Variants in LRP1B observed in about 807,000 individuals in gnomAD.
LRP1B encodes LDL receptor related protein 1B.
A neutral mutation model predicts 556.6 loss-of-function variants in LRP1B; 217 were observed. That is an observed-to-expected ratio of 0.39 (90% CI 0.35 to 0.44). The LOEUF (loss-of-function observed/expected upper bound fraction) is 0.44, where lower values mean the gene tolerates loss of function less well. Among genes scored for constraint, LRP1B ranks in the 20% least tolerant of loss-of-function variants. The probability of loss-of-function intolerance (pLI) is 1.00; values close to 1 mark genes in which losing one functional copy is unlikely to be tolerated. For synonymous variants in LRP1B, 2,047 were observed against 1,865.8 expected, an observed-to-expected ratio of 1.10 and a Z score of -2.50; for missense variants, 5,053 against 5,620.8, an observed-to-expected ratio of 0.90 and a Z score of 3.23.
chr2:142,015,238 C>A (rs1479853645), intron 1 of LRP1B, among the ~76,000 whole-genome samples: 1 of 152,024 alleles, frequency 6.6e-6, no homozygotes, highest in African/African-American at 2.4e-5. Flanking sequence ...AAGCAGCTGA[C>A]CTTTGACAAA....
chr2:140,595,087 A>AATATATCTATAT lies in LRP1B; in HGVS notation c.7194+3543_7194+3544insATATAGATATAT, dbSNP rs1204829412. On this transcript the variant is annotated intron_variant, in intron 43 of 90. Transcript: ENST00000389484. ...CTACTTAAAAATAAAATATAAATTG[A>AATATATCTATAT]ATATATATATATATATATATATATA... Among the ~76,000 whole-genome samples, 102 of 99,670 alleles carry AATATATCTATAT rather than the reference A, an allele frequency of 1.0e-3. 3 individuals are homozygous for AATATATCTATAT. The highest frequency in any genetic ancestry group is 5.5e-3 in the Middle Eastern group (1 of 182). 65.4% of individuals were successfully genotyped at this position (99,670 alleles called of 152,430 possible). A position where few individuals can be genotyped will look rare whatever the true frequency, so the allele number is the denominator to read the frequency against.
intron 32 of LRP1B, among the ~76,000 whole-genome samples, chr2:140,785,402 A>G (rs7571766): frequency 0.43 from 64,591 of 151,926 alleles, 13,947 homozygotes; most frequent in African/African-American, 0.48. Flanking sequence ...GCAGGACAGC[A>G]GCAAATCTAG....
intron 2 of LRP1B, among the ~76,000 whole-genome samples, chr2:141,701,703 C>T (rs1257989574): frequency 1.3e-5 from 2 of 151,866 alleles, no homozygotes; most frequent in Non-Finnish European, 2.9e-5. Flanking sequence ...AACGAATCTA[C>T]AGGCTTTTGA....
chr2:140,367,966 T>C (rs947543051), intron 71 of LRP1B, among the ~76,000 whole-genome samples: 1 of 151,796 alleles, frequency 6.6e-6, no homozygotes, highest in African/African-American at 2.4e-5. Context: ...ATGCCACTGA[T>C]TTATTTAAAA....
At chr2:140,645,533 CTTT>C (rs36082249) in intron 41 of LRP1B, among the ~76,000 whole-genome samples, 12 of 81,218 alleles carry the variant, frequency 1.5e-4, no homozygotes, top group Admixed American at 3.5e-4. Context: ...TGCCAATATT[CTTT>C]TTTTTTTTTT....
At chr2:141,122,958 A>T (rs1168657537) in intron 7 of LRP1B, among the ~76,000 whole-genome samples, 2 of 152,134 alleles carry the variant, frequency 1.3e-5, no homozygotes, top group Admixed American at 1.3e-4. Flanking sequence ...AGGGACATGG[A>T]TGAAGCTGGA....
At chr2:141,620,587 A>G (rs2105334979) in intron 2 of LRP1B, among the ~76,000 whole-genome samples, 1 of 152,308 alleles carries the variant, frequency 6.6e-6, no homozygotes, top group Admixed American at 6.5e-5. Flanking sequence ...TAGTGAGTCA[A>G]AATAATTTTC....
intron 1 of LRP1B, among the ~76,000 whole-genome samples, chr2:142,007,435 A>T (rs1027026745): frequency 6.6e-6 from 1 of 152,218 alleles, no homozygotes; most frequent in African/African-American, 2.4e-5. Flanking sequence ...GTATAGGTAT[A>T]CTGACATAGA....
At chr2:141,493,765 T>C (rs993588103) in intron 2 of LRP1B, among the ~76,000 whole-genome samples, 1 of 152,172 alleles carries the variant, frequency 6.6e-6, no homozygotes, top group Non-Finnish European at 1.5e-5. Context: ...CCGTTATGGC[T>C]GTATCATGAA....
At chr2:141,476,061 C>T (rs546886841) in intron 3 of LRP1B, among the ~76,000 whole-genome samples, 74 of 152,190 alleles carry the variant, frequency 4.9e-4, no homozygotes, top group African/African-American at 1.7e-3. Context: ...TTGCAGGCAC[C>T]GAACCGTAAA....
chr2:140,875,421 T>C (rs1693274777), intron 25 of LRP1B, among the ~76,000 whole-genome samples: 1 of 152,182 alleles, frequency 6.6e-6, no homozygotes, highest in African/African-American at 2.4e-5. Flanking sequence ...TATAGATTGC[T>C]TATAAGATTT....
At chr2:140,348,949 A>T (rs1681825936) in intron 77 of LRP1B, among the ~76,000 whole-genome samples, 1 of 151,998 alleles carries the variant, frequency 6.6e-6, no homozygotes, top group African/African-American at 2.4e-5. Context: ...TGTGTGGGGG[A>T]TTAGATTCTC....
intron 6 of LRP1B, among the ~76,000 whole-genome samples, chr2:141,213,804 C>T (rs1290810339): frequency 6.6e-6 from 1 of 151,780 alleles, no homozygotes; most frequent in African/African-American, 2.4e-5. Context: ...TTTTTACTTG[C>T]ATTATTTTTT....
At chr2:140,361,634 T>G (rs1682523160) in intron 72 of LRP1B, among the ~76,000 whole-genome samples, 1 of 151,232 alleles carries the variant, frequency 6.6e-6, no homozygotes, top group South Asian at 2.1e-4. Flanking sequence ...TCTTCTTTTT[T>G]GCAGTGCCTT....
chr2:141,889,769 C>T (rs1553480332), intron 1 of LRP1B, among the ~76,000 whole-genome samples: 1 of 151,914 alleles, frequency 6.6e-6, no homozygotes, highest in Non-Finnish European at 1.5e-5. Flanking sequence ...GTAAACAATC[C>T]CTAAATAATA....
intron 59 of LRP1B, among the ~76,000 whole-genome samples, chr2:140,485,001 C>A (rs1688408738): frequency 6.6e-6 from 1 of 152,146 alleles, no homozygotes; most frequent in Non-Finnish European, 1.5e-5. Context: ...TGCAAAACAT[C>A]ATCTAAGAAT....
intron 1 of LRP1B, among the ~76,000 whole-genome samples, chr2:142,079,960 G>C (rs1705653167): frequency 6.6e-6 from 1 of 152,056 alleles, no homozygotes; most frequent in African/African-American, 2.4e-5. Context: ...GAGTATCAGG[G>C]CATTAAGAAA....
At chr2:141,698,932 C>T (rs10928119) in intron 2 of LRP1B, among the ~76,000 whole-genome samples, 51,637 of 151,638 alleles carry the variant, frequency 0.34, 9,333 homozygotes, top group East Asian at 0.58. Flanking sequence ...TTGATGCAGG[C>T]ATTGCAAAGC....
At position 141,616,338 on chromosome 2, in the gene LRP1B, T is replaced by C. The variant is rs1050850291; in HGVS notation, c.206-135805A>G. ...TATATAAAATGACATAAACTTTATA[T>C]GAACAATTCAATATGTTAGGCAATG... On this transcript the variant is annotated intron_variant, in intron 2 of 90. Transcript: ENST00000389484. 1.1e-4 allele frequency among the ~76,000 whole-genome samples: 16 copies of C among 151,754 alleles called. 1 individual carries two copies. The highest frequency in any genetic ancestry group is 3.4e-3 in the Middle Eastern group (1 of 294).
Sources: allele counts gnomAD v4.1 joint callset (sites outside exome capture counted in the v4.1 genomes callset), GRCh38; gene constraint gnomAD v4.1.1; transcripts MANE v1.5; gene names NCBI Gene and HGNC (gene_info 2026-07-23, HGNC 2026-07-21).